Variants in ZFHX3 observed in about 807,000 individuals in gnomAD.
ZFHX3 encodes zinc finger homeobox protein 3.
ZFHX3 carries 42 observed loss-of-function variants against 279.1 expected under a neutral mutation model. That is an observed-to-expected ratio of 0.15 (90% CI 0.12 to 0.19). The LOEUF (loss-of-function observed/expected upper bound fraction) is 0.19, where lower values mean the gene tolerates loss of function less well. Among genes scored for constraint, ZFHX3 ranks in the 10% least tolerant of loss-of-function variants. The pLI, the probability that ZFHX3 is intolerant of heterozygous loss-of-function variation, is 1.00. For missense variants in ZFHX3, 4,981 were observed against 4,754.0 expected (o/e 1.05, Z -1.40); for synonymous variants, 2,293 against 1,957.8 (o/e 1.17, Z -4.52).
intron 2 of ZFHX3, among the ~76,000 whole-genome samples, chr16:73,575,891 T>A (rs962408958): frequency 6.6e-6 from 1 of 152,168 alleles, no homozygotes; most frequent in South Asian, 2.1e-4. Context: ...CCGCGATGAT[T>A]GTGTTTCTCT....
chr16:72,960,076 A>C lies in ZFHX3; in HGVS notation c.70T>G (p.Trp24Gly). 1 of 1,613,300 alleles carries C rather than the reference A, an allele frequency of 6.2e-7. No individual in the cohort carries two copies. Among genetic ancestry groups the C allele is most frequent in the Non-Finnish European group, 8.5e-7 (1 of 1,179,686 alleles). Residue 24 changes from tryptophan (W) to glycine (G), a missense_variant, in exon 2 of 10, where the codon TGG becomes GGG. By Grantham distance (184) the Trp-to-Gly change is radical. Around this residue, in one of 7 missense-constraint regions of ZFHX3, gnomAD observed 1,068 missense variants for 935.2 expected, o/e 1.14. Coordinates refer to ENST00000268489, the MANE Select transcript of ZFHX3 (RefSeq NM_006885.4). ...NGCGIPQHQQ[W>G]TELNSTHLPD... Reference sequence around the variant, plus strand: ...AGGTGGGTGCTGTTGAGTTCAGTCCATTGCTGGTGCTGAGGGATACCGCAC... The same window carrying C: ...AGGTGGGTGCTGTTGAGTTCAGTCCCTTGCTGGTGCTGAGGGATACCGCAC...
intron 4 of ZFHX3, among the ~76,000 whole-genome samples, chr16:73,260,885 T>C (rs935684370): frequency 6.6e-6 from 1 of 152,034 alleles, no homozygotes; most frequent in Admixed American, 6.6e-5. Context: ...GGTTTCACCA[T>C]GTTGGGCAGG....
At chr16:73,117,121 A>G (rs1284654437) in intron 7 of ZFHX3, among the ~76,000 whole-genome samples, 2 of 152,230 alleles carry the variant, frequency 1.3e-5, no homozygotes, top group East Asian at 1.9e-4. Flanking sequence ...ATGACACATT[A>G]GTGGACTATA....
chr16:73,721,430 T>A (rs999868909), intron 1 of ZFHX3, among the ~76,000 whole-genome samples: 2 of 152,182 alleles, frequency 1.3e-5, no homozygotes, highest in African/African-American at 4.8e-5. Flanking sequence ...TTCCTCCATA[T>A]TTTCTTACAT....
intron 6 of ZFHX3, among the ~76,000 whole-genome samples, chr16:73,132,835 G>T (rs73593186): frequency 6.6e-6 from 1 of 152,170 alleles, no homozygotes; most frequent in African/African-American, 2.4e-5. Flanking sequence ...TGATCAATCA[G>T]GAGGAGAGGG....
intron 3 of ZFHX3, among the ~76,000 whole-genome samples, chr16:72,910,472 A>G (rs942487976): frequency 1.3e-5 from 2 of 152,246 alleles, no homozygotes; most frequent in Non-Finnish European, 2.9e-5. Context: ...TGAAGTATTT[A>G]GGTGTTTTCT....
At chr16:73,309,084 A>T (rs2015262848) in intron 4 of ZFHX3, among the ~76,000 whole-genome samples, 1 of 152,006 alleles carries the variant, frequency 6.6e-6, no homozygotes, top group Non-Finnish European at 1.5e-5. Flanking sequence ...TGATTTTTTA[A>T]TCTTTTATTT....
At chr16:73,350,912 C>A (rs1476358559) in intron 3 of ZFHX3, among the ~76,000 whole-genome samples, 1 of 152,192 alleles carries the variant, frequency 6.6e-6, no homozygotes, top group Non-Finnish European at 1.5e-5. Context: ...AAGTGTATCA[C>A]AAGCTCCTCA....
chr16:73,466,866 G>A (rs1176368837), intron 2 of ZFHX3, among the ~76,000 whole-genome samples: 2 of 152,180 alleles, frequency 1.3e-5, no homozygotes, highest in African/African-American at 4.8e-5. Context: ...GGAGACTGGG[G>A]CTTTGATGAG....
At chr16:73,546,684 TGCTGCTGCTGCTGCTGCTGCTGCTGCTGC>T (rs2020115599) in intron 2 of ZFHX3, among the ~76,000 whole-genome samples, 1 of 61,374 alleles carries the variant, frequency 1.6e-5, no homozygotes, top group Admixed American at 1.6e-4. Flanking sequence ...CTGCTGCTGC[TGCTGCTGCTGCTGCTGCTGCTGCTGCTGC>T]TGCTGCTGCT....
intron 5 of ZFHX3, among the ~76,000 whole-genome samples, chr16:73,230,112 G>C (rs1387601753): frequency 6.6e-6 from 1 of 152,186 alleles, no homozygotes; most frequent in Non-Finnish European, 1.5e-5. Context: ...GTTAGTAAAT[G>C]AGTAGCGGGA....
chr16:73,680,788 A>G (rs1262954096), intron 1 of ZFHX3, among the ~76,000 whole-genome samples: 1 of 152,202 alleles, frequency 6.6e-6, no homozygotes, highest in Non-Finnish European at 1.5e-5. Flanking sequence ...CTTAAACTAT[A>G]TCTTTTTGGC....
chr16:73,264,014 T>G (rs1597250793), intron 4 of ZFHX3, among the ~76,000 whole-genome samples: 2 of 151,978 alleles, frequency 1.3e-5, no homozygotes, highest in South Asian at 4.2e-4. Context: ...CAAAAATACA[T>G]AAATCAGCCA....
chr16:72,912,404 T>C (rs2039341426), intron 3 of ZFHX3, among the ~76,000 whole-genome samples: 1 of 152,142 alleles, frequency 6.6e-6, no homozygotes. Flanking sequence ...TGAGTGGAAA[T>C]AACATTAAGC....
intron 1 of ZFHX3, among the ~76,000 whole-genome samples, chr16:73,818,033 C>T (rs1960627561): frequency 6.6e-6 from 1 of 152,090 alleles, no homozygotes; most frequent in Non-Finnish European, 1.5e-5. Flanking sequence ...CTTTGTCACC[C>T]ATTTTGAAAT....
intron 3 of ZFHX3, among the ~76,000 whole-genome samples, chr16:72,899,911 A>G (rs2038989760): frequency 6.6e-6 from 1 of 152,076 alleles, no homozygotes; most frequent in African/African-American, 2.4e-5. Flanking sequence ...GAACATACCT[A>G]TTTGTTATTT....
chr16:73,419,162 G>C (rs2017663762), intron 3 of ZFHX3, among the ~76,000 whole-genome samples: 1 of 152,224 alleles, frequency 6.6e-6, no homozygotes, highest in Non-Finnish European at 1.5e-5. Flanking sequence ...TGTTGAGTGA[G>C]ACAGACCGGC....
chr16:73,251,969 A>G (rs1399648586), intron 5 of ZFHX3, among the ~76,000 whole-genome samples: 3 of 151,878 alleles, frequency 2.0e-5, no homozygotes, highest in Non-Finnish European at 4.4e-5. Context: ...CACCATGCAC[A>G]CACACATAAC....
intron 2 of ZFHX3, among the ~76,000 whole-genome samples, chr16:73,583,343 A>G (rs2051881198): frequency 6.6e-6 from 1 of 152,214 alleles, no homozygotes; most frequent in South Asian, 2.1e-4. Context: ...TGGTACTAAG[A>G]AGGAAAAAAC....
Sources: allele counts gnomAD v4.1 joint callset (sites outside exome capture counted in the v4.1 genomes callset), GRCh38; gene constraint gnomAD v4.1.1; regional missense constraint gnomAD v4.1.1; transcripts MANE v1.5; gene names NCBI Gene and HGNC (gene_info 2026-07-23, HGNC 2026-07-21).